ABTB2: variants seen among roughly 807,000 people sequenced by gnomAD.
ABTB2 encodes the protein ankyrin repeat and BTB/POZ domain-containing protein 2.
A neutral mutation model predicts 104.1 loss-of-function variants in ABTB2; 56 were observed. That is an observed-to-expected ratio of 0.54 (90% CI 0.43 to 0.67). ABTB2 has a LOEUF of 0.67. Among genes scored for constraint, ABTB2 ranks in the 30% least tolerant of loss-of-function variants. ABTB2 has a pLI of 0.00. For synonymous variants in ABTB2, 606 were observed against 608.2 expected (o/e 1.00, Z 0.05); for missense variants, 1,279 against 1,407.7 (o/e 0.91, Z 1.46).
At chr11:34,307,465 TC>T (rs1055648794) in intron 1 of ABTB2, among the ~76,000 whole-genome samples, 1 of 152,220 alleles carries the variant, frequency 6.6e-6, no homozygotes, top group Non-Finnish European at 1.5e-5. Flanking sequence ...ACTGAGCTCT[TC>T]AGCAGTCTCC....
chr11:34,349,035 C>T (rs1185382789), intron 1 of ABTB2, among the ~76,000 whole-genome samples: 2 of 152,176 alleles, frequency 1.3e-5, no homozygotes, highest in Non-Finnish European at 2.9e-5. Flanking sequence ...GGCTGTGTTC[C>T]TTATGTATCT....
intron 1 of ABTB2, among the ~76,000 whole-genome samples, chr11:34,212,182 G>C (rs1454024285): frequency 1.3e-5 from 2 of 151,974 alleles, no homozygotes; most frequent in African/African-American, 4.8e-5. Context: ...TCAGCCTCCG[G>C]AGTAGCTGGG....
chr11:34,169,386 C>T (rs1451514812), intron 5 of ABTB2, among the ~76,000 whole-genome samples: 2 of 152,100 alleles, frequency 1.3e-5, no homozygotes, highest in African/African-American at 4.8e-5. Flanking sequence ...CCGGAATGAA[C>T]ATTTAGTGAG....
intron 2 of ABTB2, among the ~76,000 whole-genome samples, chr11:34,198,441 C>A (rs1324040138): frequency 2.1e-5 from 2 of 97,278 alleles, no homozygotes; most frequent in African/African-American, 9.1e-5. Flanking sequence ...AAAAAACAAA[C>A]AAACAACAAC....
At chr11:34,254,617 C>A (rs564106814) in intron 1 of ABTB2, among the ~76,000 whole-genome samples, 40 of 151,540 alleles carry the variant, frequency 2.6e-4, no homozygotes, top group African/African-American at 8.0e-4. Flanking sequence ...ATGGTAGCCA[C>A]TAGCCACATG....
chr11:34,281,217 T>C (rs147085998), intron 1 of ABTB2, among the ~76,000 whole-genome samples: 21 of 152,320 alleles, frequency 1.4e-4, no homozygotes, highest in African/African-American at 5.1e-4. Context: ...GGTGAACACC[T>C]AGCAAGGGTT....
At chr11:34,259,244 C>T (rs1311739914) in intron 1 of ABTB2, among the ~76,000 whole-genome samples, 3 of 152,186 alleles carry the variant, frequency 2.0e-5, no homozygotes, top group African/African-American at 7.2e-5. Flanking sequence ...ATGTGTCTGG[C>T]CTGGGCTTTT....
At chr11:34,266,086 T>A (rs572654966) in intron 1 of ABTB2, among the ~76,000 whole-genome samples, 1 of 152,194 alleles carries the variant, frequency 6.6e-6, no homozygotes, top group Non-Finnish European at 1.5e-5. Flanking sequence ...TGTTATTTAT[T>A]TATCTACTTA....
chr11:34,167,159 A>G lies in ABTB2; in HGVS notation c.1755+100T>C, dbSNP rs1323481564. On this transcript the variant is annotated intron_variant, in intron 7 of 16. Transcript: ENST00000435224. ...TCAAGCAGTGCCTTTGGGATCTCTG[A>G]TTCAGGGCACCTGCCCACTCAGCTG... 3.5e-6 allele frequency: 4 copies of G among 1,140,594 alleles called. No individual in the cohort carries two copies. In the East Asian group the frequency reaches 1.1e-4, roughly 30 times the overall value. The allele number at this position is 1,140,594 out of a possible 1,614,324, so 70.7% of individuals were successfully genotyped here.
At position 34,152,259 on chromosome 11, in the gene ABTB2, G is replaced by C. The variant is rs977588224; in HGVS notation, c.*128C>G. 7.5e-5 allele frequency: 77 copies of C among 1,024,790 alleles called. 1 individual carries two copies. The highest frequency in any genetic ancestry group is 6.5e-4 in the South Asian group (40 of 61,746). 63.5% of individuals were successfully genotyped at this position (1,024,790 alleles called of 1,614,324 possible). ...AGGGTGAGCTGCCCGGTGACAGGGG[G>C]GACATCTGGGGGAGGAGGAGGAAAC... On this transcript the variant is annotated 3_prime_UTR_variant, in exon 17 of 17. Transcript: ENST00000435224.
At chr11:34,218,440 C>T (rs1341992368) in intron 1 of ABTB2, among the ~76,000 whole-genome samples, 1 of 152,008 alleles carries the variant, frequency 6.6e-6, no homozygotes, top group African/African-American at 2.4e-5. Context: ...TTGTGTTTTA[C>T]ATTTAGGTCT....
intron 1 of ABTB2, among the ~76,000 whole-genome samples, chr11:34,240,575 G>A (rs1853903452): frequency 6.6e-6 from 1 of 152,180 alleles, no homozygotes; most frequent in Admixed American, 6.5e-5. Context: ...CTGAGCACTT[G>A]GGCCGAAATC....
intron 1 of ABTB2, among the ~76,000 whole-genome samples, chr11:34,228,888 G>A (rs1330207181): frequency 1.3e-5 from 2 of 152,126 alleles, no homozygotes; most frequent in African/African-American, 4.8e-5. Flanking sequence ...GGGAGGCCAA[G>A]GTGGACAGAT....
At chr11:34,241,278 C>G (rs1232801348) in intron 1 of ABTB2, among the ~76,000 whole-genome samples, 2 of 152,064 alleles carry the variant, frequency 1.3e-5, no homozygotes, top group Admixed American at 1.3e-4. Flanking sequence ...CTCCCAAGGC[C>G]TAAACGAGGG....
intron 1 of ABTB2, among the ~76,000 whole-genome samples, chr11:34,292,836 G>A (rs113871522): frequency 0.011 from 1,679 of 152,256 alleles, 36 homozygotes; most frequent in African/African-American, 0.038. Context: ...GTAACAGCAG[G>A]TACAAACCCC....
chr11:34,300,034 A>G (rs931244007), intron 1 of ABTB2, among the ~76,000 whole-genome samples: 1 of 151,448 alleles, frequency 6.6e-6, no homozygotes, highest in Non-Finnish European at 1.5e-5. Flanking sequence ...TCTGCCTCCT[A>G]CGCTTGGTGG....
intron 14 of ABTB2, 23 bp downstream of exon 14, chr11:34,159,273 G>A (rs752434348): frequency 2.5e-6 from 4 of 1,594,470 alleles, no homozygotes; most frequent in Non-Finnish European, 3.4e-6. Context: ...TCTGAGAAGA[G>A]GGCGGCACCA....
chr11:34,280,404 T>C (rs2755158), intron 1 of ABTB2, among the ~76,000 whole-genome samples: 1,656 of 152,232 alleles, frequency 0.011, 28 homozygotes, highest in African/African-American at 0.037. Flanking sequence ...GGGTCCTCAC[T>C]GTACCCATTC....
chr11:34,287,529 ACT>A (rs1854519805), intron 1 of ABTB2, among the ~76,000 whole-genome samples: 1 of 152,182 alleles, frequency 6.6e-6, no homozygotes, highest in Non-Finnish European at 1.5e-5. Context: ...ACAGAGCAAG[ACT>A]CTGCCAAATA....
Sources: allele counts gnomAD v4.1 joint callset (sites outside exome capture counted in the v4.1 genomes callset), GRCh38; gene constraint gnomAD v4.1.1; transcripts MANE v1.5; gene names NCBI Gene and HGNC (gene_info 2026-07-23, HGNC 2026-07-21).